The following GPR158 variants were observed in gnomAD, a reference collection of about 807,000 sequenced individuals.
The protein encoded by GPR158 is G protein-coupled receptor 158.
A neutral mutation model predicts 78.2 loss-of-function variants in GPR158; 30 were observed. That is an observed-to-expected ratio of 0.38 (90% CI 0.29 to 0.52). The LOEUF is 0.52. Among genes scored for constraint, GPR158 ranks in the 20% least tolerant of loss-of-function variants. The pLI is 0.83. For missense variants in GPR158, 1,463 were observed against 1,523.5 expected, an observed-to-expected ratio of 0.96 and a Z score of 0.66; for synonymous variants, 581 against 591.1, an observed-to-expected ratio of 0.98 and a Z score of 0.25.
rs1837485148 is a variant in GPR158 at position 25,600,693 on chromosome 10, C to T, written c.*1419C>T. The stretch of plus-strand genomic sequence containing the variant: ...CAAAACCTATAAGGTGGTATGGAAT[C>T]TTCATTCTCCCAAGCACTGGAAAAT... On this transcript the variant is annotated 3_prime_UTR_variant, in exon 11 of 11. Coordinates refer to ENST00000376351, the MANE Select transcript of GPR158 (RefSeq NM_020752.3). 1 of 152,538 alleles carries T rather than the reference C, an allele frequency of 6.6e-6. No homozygotes were observed. The highest frequency in any genetic ancestry group is 1.5e-5 in the Non-Finnish European group (1 of 68,030). 9.4% of individuals were successfully genotyped at this position (152,538 alleles called of 1,614,324 possible). A position where few individuals can be genotyped will look rare whatever the true frequency, so the allele number is the denominator to read the frequency against.
intron 2 of GPR158, among the ~76,000 whole-genome samples, chr10:25,250,585 A>C (rs1039859304): frequency 1.3e-5 from 2 of 149,440 alleles, no homozygotes; most frequent in Admixed American, 6.7e-5. Context: ...GTAGTCATTC[A>C]GGAGCAGGTT....
intron 2 of GPR158, among the ~76,000 whole-genome samples, chr10:25,308,921 G>A (rs1363556438): frequency 6.6e-6 from 1 of 152,124 alleles, no homozygotes; most frequent in Admixed American, 6.6e-5. Context: ...TCCATTATAT[G>A]TATATGCCAC....
chr10:25,235,325 C>G (rs1190162358), intron 2 of GPR158, among the ~76,000 whole-genome samples: 1 of 151,768 alleles, frequency 6.6e-6, no homozygotes, highest in East Asian at 1.9e-4. Flanking sequence ...CTTACTACAT[C>G]TTAGTTCTAT....
chr10:25,546,247 T>C (rs925249332), intron 5 of GPR158, among the ~76,000 whole-genome samples: 3 of 152,140 alleles, frequency 2.0e-5, no homozygotes, highest in African/African-American at 7.2e-5. Flanking sequence ...TGTAAAGCAT[T>C]CTTTTATTTT....
chr10:25,189,180 TTGG>T (rs1439492769), intron 1 of GPR158, among the ~76,000 whole-genome samples: 1 of 152,240 alleles, frequency 6.6e-6, no homozygotes, highest in Non-Finnish European at 1.5e-5. Context: ...TTTTACACTG[TTGG>T]TGGGACAGTA....
intron 5 of GPR158, among the ~76,000 whole-genome samples, chr10:25,539,563 A>G (rs2130701473): frequency 7.1e-6 from 1 of 141,510 alleles, no homozygotes; most frequent in East Asian, 2.0e-4. Flanking sequence ...ATTCTATGGG[A>G]ATTTTGGAGA....
intron 5 of GPR158, among the ~76,000 whole-genome samples, chr10:25,507,494 G>A (rs1400940421): frequency 6.6e-6 from 1 of 152,216 alleles, no homozygotes; most frequent in Non-Finnish European, 1.5e-5. Context: ...TTTTCATGTT[G>A]TGTTTGTACA....
Position 25,208,604 on chromosome 10 carries a change from G to GTA in GPR158, c.903-12446_903-12445dup, listed in dbSNP as rs1305946563. 3.8e-5 allele frequency among the ~76,000 whole-genome samples: 5 copies of GTA among 132,958 alleles called. No individual in the cohort carries two copies. The East Asian group carries it at 9.1e-4, about 24-fold the overall frequency. The allele number at this position is 132,958 out of a possible 152,430, so 87.2% of individuals were successfully genotyped here. A position where few individuals can be genotyped will look rare whatever the true frequency, so the allele number is the denominator to read the frequency against. ...TGTGTGTGTGTGTGTGTGTGTGTGT[G>GTA]TATTAGAATTGAGAAGTAAAAGACC... On this transcript the variant is annotated intron_variant, in intron 1 of 10. Coordinates refer to ENST00000376351, the MANE Select transcript of GPR158 (RefSeq NM_020752.3).
At chr10:25,252,041 C>T (rs1853809909) in intron 2 of GPR158, among the ~76,000 whole-genome samples, 2 of 151,632 alleles carry the variant, frequency 1.3e-5, no homozygotes, top group African/African-American at 4.8e-5. Flanking sequence ...CTAAACTTCC[C>T]TTCTCGCTTC....
intron 1 of GPR158, among the ~76,000 whole-genome samples, chr10:25,211,554 A>C (rs922569491): frequency 2.6e-5 from 4 of 152,186 alleles, no homozygotes; most frequent in Non-Finnish European, 5.9e-5. Flanking sequence ...TAATCCATTC[A>C]TGAGGGCGGA....
chr10:25,451,685 C>G (rs980593683), intron 4 of GPR158, among the ~76,000 whole-genome samples: 2 of 152,102 alleles, frequency 1.3e-5, no homozygotes, highest in Non-Finnish European at 2.9e-5. Flanking sequence ...TTTAACCTCT[C>G]TAATCCTCAG....
intron 2 of GPR158, among the ~76,000 whole-genome samples, chr10:25,373,320 GA>G (rs200518924): frequency 1.3e-5 from 2 of 150,450 alleles, no homozygotes; most frequent in Admixed American, 6.6e-5. Context: ...GAGGATCAGA[GA>G]AAAAAAAACT....
chr10:25,265,715 C>T (rs146020984), intron 2 of GPR158, among the ~76,000 whole-genome samples: 9 of 152,182 alleles, frequency 5.9e-5, no homozygotes, highest in South Asian at 2.1e-4. Flanking sequence ...GGAACAGGTA[C>T]GAAAACTGGG....
At chr10:25,452,620 A>G (rs529342560) in intron 4 of GPR158, among the ~76,000 whole-genome samples, 1 of 152,306 alleles carries the variant, frequency 6.6e-6, no homozygotes, top group East Asian at 1.9e-4. Flanking sequence ...CTTGTCTTCA[A>G]CAAGGCCTTA....
intron 2 of GPR158, among the ~76,000 whole-genome samples, chr10:25,285,208 G>A (rs1228386925): frequency 6.6e-6 from 1 of 151,982 alleles, no homozygotes; most frequent in Non-Finnish European, 1.5e-5. Flanking sequence ...CAGACAAATA[G>A]AATCAATGAG....
At chr10:25,264,231 T>A (rs1373257014) in intron 2 of GPR158, among the ~76,000 whole-genome samples, 1 of 152,208 alleles carries the variant, frequency 6.6e-6, no homozygotes, top group African/African-American at 2.4e-5. Context: ...ACCAGATTGA[T>A]GCTGCACATC....
At chr10:25,550,857 G>T (rs1836717032) in intron 5 of GPR158, 119 bp from the exon 6 acceptor site, 1 of 656,884 alleles carries the variant, frequency 1.5e-6, no homozygotes, top group Admixed American at 2.5e-5. Flanking sequence ...TTTTAAAGAA[G>T]TATTCAGATG....
chr10:25,596,302 T>C (rs1400891580), intron 9 of GPR158, among the ~76,000 whole-genome samples: 1 of 152,140 alleles, frequency 6.6e-6, no homozygotes, highest in Non-Finnish European at 1.5e-5. Context: ...ATGGCATCTG[T>C]GGGTCTCACA....
At chr10:25,414,667 A>G (rs1267946536) in intron 4 of GPR158, among the ~76,000 whole-genome samples, 2 of 152,098 alleles carry the variant, frequency 1.3e-5, no homozygotes, top group Non-Finnish European at 2.9e-5. Flanking sequence ...CTTTTTAAAG[A>G]TTTCCTGTGT....
Sources: gnomAD v4.1 joint callset for allele counts (sites outside exome capture counted in the v4.1 genomes callset) on GRCh38, gnomAD v4.1.1 for gene constraint, MANE v1.5 for transcripts, NCBI Gene and HGNC (gene_info 2026-07-23, HGNC 2026-07-21) for gene names.